GALNT13: variants seen among roughly 807,000 people sequenced by gnomAD.
GALNT13 encodes UDP-GalNAc:polypeptide N-acetylgalactosaminyltransferase 13.
In GALNT13, 28 loss-of-function variants were observed where a neutral mutation model predicts 64.2. The ratio of observed to expected loss-of-function variants is 0.44; its 90% CI spans 0.32 to 0.60. The LOEUF (loss-of-function observed/expected upper bound fraction) is 0.60. Among genes scored for constraint, GALNT13 ranks in the 20% least tolerant of loss-of-function variants. The probability of loss-of-function intolerance (pLI) is 0.05; values close to 1 mark genes in which losing one functional copy is unlikely to be tolerated. For missense variants in GALNT13, 577 were observed against 669.8 expected, an observed-to-expected ratio of 0.86 and a Z score of 1.53; for synonymous variants, 214 against 224.6, an observed-to-expected ratio of 0.95 and a Z score of 0.42.
chr2:153,677,284 TAC>T, the GALNT13 span, among the ~76,000 whole-genome samples: 8,229 of 144,584 alleles, frequency 0.057, 255 homozygotes, highest in African/African-American at 0.084. Context: ...ACAATAGACA[TAC>T]ACACACACAC....
At chr2:153,945,458 T>A (rs566219874) in intron 3 of GALNT13, among the ~76,000 whole-genome samples, 1 of 152,240 alleles carries the variant, frequency 6.6e-6, no homozygotes, top group South Asian at 2.1e-4. Flanking sequence ...ACTAACATAT[T>A]CTCTGTTTGG....
chr2:153,733,511 A>G, the GALNT13 span, among the ~76,000 whole-genome samples: 3 of 152,128 alleles, frequency 2.0e-5, no homozygotes, highest in African/African-American at 7.2e-5. Flanking sequence ...TGTCTCTCCC[A>G]ATACCCCCAT....
intron 4 of GALNT13, among the ~76,000 whole-genome samples, chr2:154,212,158 T>C (rs1687808610): frequency 6.6e-6 from 1 of 152,108 alleles, no homozygotes; most frequent in South Asian, 2.1e-4. Flanking sequence ...TGTAGGCAAC[T>C]TTTCAAGAAT....
At chr2:153,126,752 G>A in the GALNT13 span, among the ~76,000 whole-genome samples, 3 of 152,120 alleles carry the variant, frequency 2.0e-5, no homozygotes, top group Non-Finnish European at 4.4e-5. Flanking sequence ...GACTTATTTA[G>A]AAATACTAAA....
the GALNT13 span, among the ~76,000 whole-genome samples, chr2:153,356,332 T>C: frequency 8.5e-5 from 13 of 152,230 alleles, no homozygotes; most frequent in African/African-American, 2.7e-4. Flanking sequence ...TTCTCCCTAC[T>C]TGTTCAGGTG....
the GALNT13 span, among the ~76,000 whole-genome samples, chr2:153,276,674 C>A: frequency 6.6e-4 from 97 of 147,524 alleles, no homozygotes; most frequent in African/African-American, 2.3e-3. Context: ...AGTTGAGTAC[C>A]TTCTCTTACA....
At chr2:154,351,153 A>G (rs554159294) in intron 9 of GALNT13, among the ~76,000 whole-genome samples, 3 of 152,120 alleles carry the variant, frequency 2.0e-5, no homozygotes, top group Non-Finnish European at 2.9e-5. Context: ...AGGACTTGCA[A>G]CAACAAAGAA....
chr2:153,255,932 A>G, the GALNT13 span, among the ~76,000 whole-genome samples: 1 of 151,998 alleles, frequency 6.6e-6, no homozygotes, highest in African/African-American at 2.4e-5. Context: ...GGTGAATCTG[A>G]CAATTATGTG....
the GALNT13 span, among the ~76,000 whole-genome samples, chr2:153,824,435 A>G: frequency 6.6e-6 from 1 of 152,184 alleles, no homozygotes; most frequent in Admixed American, 6.5e-5. Flanking sequence ...TCTTTTTGGT[A>G]ATTATATCCA....
the GALNT13 span, among the ~76,000 whole-genome samples, chr2:153,251,653 A>G: frequency 6.0e-5 from 7 of 117,550 alleles, no homozygotes; most frequent in African/African-American, 2.3e-4. Flanking sequence ...CCAGAGTGTG[A>G]TGTTCCCCTT....
intron 1 of GALNT13, among the ~76,000 whole-genome samples, chr2:153,878,783 T>G (rs1006124385): frequency 1.3e-5 from 2 of 152,204 alleles, no homozygotes; most frequent in African/African-American, 2.4e-5. Flanking sequence ...GAAGCAGGTT[T>G]GGTTAGTGCT....
At position 154,082,828 on chromosome 2, in the gene GALNT13, T is replaced by G. The variant is rs547254032; in HGVS notation, c.143-57509T>G. 3.3e-5 allele frequency among the ~76,000 whole-genome samples: 5 copies of G among 152,156 alleles called. No homozygotes were observed. The East Asian group carries it at 7.7e-4, about 24-fold the overall frequency. On this transcript the variant is annotated intron_variant, in intron 3 of 12. Coordinates refer to ENST00000392825, the MANE Select transcript of GALNT13 (RefSeq NM_052917.4). ...GGATACTAGCCCTTTGTTAGATGGA[T>G]AGATTGCAAAAATTTCCTCCTATTC...
intron 1 of GALNT13, among the ~76,000 whole-genome samples, chr2:153,883,158 G>A (rs1457666332): frequency 6.7e-6 from 1 of 149,174 alleles, no homozygotes; most frequent in East Asian, 1.9e-4. Flanking sequence ...TATAGAAAAG[G>A]AACACTAAAT....
chr2:153,149,298 C>T, the GALNT13 span, among the ~76,000 whole-genome samples: 11 of 151,862 alleles, frequency 7.2e-5, no homozygotes, highest in African/African-American at 2.4e-4. Context: ...CAGAAATCAG[C>T]GCCTCATCTA....
chr2:154,224,702 T>C (rs1157964380), intron 4 of GALNT13, among the ~76,000 whole-genome samples: 1 of 152,126 alleles, frequency 6.6e-6, no homozygotes, highest in Non-Finnish European at 1.5e-5. Flanking sequence ...ACAACTGGTT[T>C]ATCATTTGAT....
chr2:153,901,472 T>A (rs985668675), intron 2 of GALNT13, among the ~76,000 whole-genome samples: 1 of 152,108 alleles, frequency 6.6e-6, no homozygotes, highest in Non-Finnish European at 1.5e-5. Context: ...TGTTTTTCTA[T>A]TTGTGTCATG....
chr2:153,248,816 G>GAAAA, the GALNT13 span, among the ~76,000 whole-genome samples: 14 of 136,006 alleles, frequency 1.0e-4, no homozygotes, highest in Middle Eastern at 4.0e-3. Context: ...ACTCTGTCTC[G>GAAAA]AAAAAAAAAA....
At chr2:153,620,936 G>A in the GALNT13 span, among the ~76,000 whole-genome samples, 1 of 151,770 alleles carries the variant, frequency 6.6e-6, no homozygotes, top group Admixed American at 6.6e-5. Flanking sequence ...GAAAAGACTT[G>A]GGTGTTGTGA....
chr2:154,217,048 T>C (rs945009603), intron 4 of GALNT13, among the ~76,000 whole-genome samples: 2 of 151,728 alleles, frequency 1.3e-5, no homozygotes, highest in Non-Finnish European at 2.9e-5. Context: ...CCGCCGCAGC[T>C]TCCAAAAGCA....
Sources: gnomAD v4.1 joint callset for allele counts (sites outside exome capture counted in the v4.1 genomes callset) on GRCh38, gnomAD v4.1.1 for gene constraint, MANE v1.5 for transcripts, NCBI Gene and HGNC (gene_info 2026-07-23, HGNC 2026-07-21) for gene names.